The following BEST4 variants were observed in gnomAD, a reference collection of about 807,000 sequenced individuals.
The protein encoded by BEST4 is bestrophin 4.
A neutral mutation model predicts 47.1 loss-of-function variants in BEST4; 36 were observed. That is an observed-to-expected ratio of 0.76 (90% CI 0.59 to 1.01). The LOEUF (loss-of-function observed/expected upper bound fraction) is 1.01. Ranked by LOEUF, BEST4 falls within the 50% of genes least tolerant of loss-of-function variation. BEST4 has a pLI of 0.00. For synonymous variants in BEST4, 250 were observed against 277.8 expected (o/e 0.90, Z 1.00); for missense variants, 550 against 648.6 (o/e 0.85, Z 1.65).
Position 44,786,330 on chromosome 1 carries a change from C to G in BEST4, c.482-102G>C. On this transcript the variant is annotated intron_variant, in intron 3 of 8. Transcript: ENST00000372207. This position sits in a 1 kb window ranked among gnomAD's most constrained non-coding sequence, Gnocchi z 4.9. ...CCTCCCTCGCGTCCACCGGCTGTCC[C>G]AGGACTCGCGGTTCCGCGTTCCTGT... 2 of 1,479,080 alleles carry G rather than the reference C, an allele frequency of 1.4e-6. No individual in the cohort carries two copies. Among genetic ancestry groups the G allele is most frequent in the Non-Finnish European group, 9.1e-7 (1 of 1,103,412 alleles). The allele number at this position is 1,479,080 out of a possible 1,614,324, so 91.6% of individuals were successfully genotyped here.
At chr1:44,782,246 A>C (rs576731028), downstream of BEST4, among the ~76,000 whole-genome samples, 165 of 152,264 alleles carry the variant, frequency 1.1e-3, no homozygotes, top group African/African-American at 3.8e-3. Flanking sequence ...AAAAAAAAAA[A>C]AAAACCTCAA....
In BEST4 at chr1:44,787,571, C is replaced by T. The variant is rs1278999935; in HGVS notation, c.135G>A (p.Val45=). ...GCCCTTACCGGTAGGTGATGCTAAG[C>T]ACAGCGTACAAGGCCCCAAAGAGGA... ...EFLLFGALYA[V]LSITYRLLLT... The change falls in exon 1 of 9, where the codon GTG becomes GTA. Residue 45 remains valine (V), a synonymous_variant. Coordinates refer to ENST00000372207, the MANE Select transcript of BEST4 (RefSeq NM_153274.3). 1 of 1,614,186 alleles carries T rather than the reference C, an allele frequency of 6.2e-7. No individual in the cohort carries two copies. The highest frequency in any genetic ancestry group is 8.5e-7 in the Non-Finnish European group (1 of 1,180,026).
chr1:44,787,143 C>CTTTTT (rs34398169), intron 2 of BEST4, among the ~76,000 whole-genome samples: 1 of 105,038 alleles, frequency 9.5e-6, no homozygotes, highest in Non-Finnish European at 1.9e-5. Flanking sequence ...TTGAGTAATT[C>CTTTTT]TTTTTTTTTT....
Position 44,787,356 on chromosome 1 carries a change from T to G in BEST4, c.247+16A>C, listed in dbSNP as rs1651280827. On this transcript the variant is annotated intron_variant, in intron 2 of 8. Transcript: ENST00000372207. ...ACAGTAAGGGGGACACAGGGAAAAC[T>G]AGAAGGGAGCCTTACCCAATACAAA... The G allele has an allele frequency of 1.2e-6, 2 of 1,613,660 alleles. No homozygotes were observed. Among genetic ancestry groups the G allele is most frequent in the African/African-American group, 2.7e-5 (2 of 74,962 alleles).
chr1:44,786,476 G>C lies in BEST4; in HGVS notation c.468C>G (p.His156Gln). Reference protein sequence around the residue: ...RVLKRFPTMEHVVDAGFMSQE... With the variant: ...RVLKRFPTMEQVVDAGFMSQE... Reference sequence around the variant, plus strand: ...CGGGCGGCGCACCTGCGTCCACCACGTGCTCCATGGTGGGGAAGCGCTTAA... The same window carrying C: ...CGGGCGGCGCACCTGCGTCCACCACCTGCTCCATGGTGGGGAAGCGCTTAA... The change falls in exon 3 of 9, where the codon CAC becomes CAG. Residue 156 changes from histidine (H) to glutamine (Q), a missense_variant. Coordinates refer to ENST00000372207, the MANE Select transcript of BEST4 (RefSeq NM_153274.3). The surrounding 1 kb of genome is among the most constrained non-coding windows in gnomAD (Gnocchi z 4.9). The C allele has an allele frequency of 6.5e-7, 1 of 1,527,482 alleles. No homozygotes were observed. Among genetic ancestry groups the C allele is most frequent in the Non-Finnish European group, 8.8e-7 (1 of 1,135,024 alleles). The allele number at this position is 1,527,482 out of a possible 1,614,324, so 94.6% of individuals were successfully genotyped here.
At chr1:44,791,253 TC>T (rs1651406242), upstream of BEST4, among the ~76,000 whole-genome samples, 1 of 150,748 alleles carries the variant, frequency 6.6e-6, no homozygotes, top group Admixed American at 6.6e-5. Flanking sequence ...TGTGTGTGTG[TC>T]TGTGTGTGTC....
rs1192768027 is a variant in BEST4, at chr1:44,786,259, G to T, written c.482-31C>A. On this transcript the variant is annotated intron_variant, in intron 3 of 8. Transcript: ENST00000372207. The surrounding 1 kb of genome is among the most constrained non-coding windows in gnomAD (Gnocchi z 4.9). ...GGGGTAAAGCAGGTGGGGTGCAGTT[G>T]CACCCTCTGCCGCCAGGGGAGGCTG... 2 of 1,574,848 alleles carry T rather than the reference G, an allele frequency of 1.3e-6. No homozygotes were observed.
upstream of BEST4, among the ~76,000 whole-genome samples, chr1:44,792,590 T>C (rs1234453432): frequency 6.6e-6 from 1 of 152,084 alleles, no homozygotes; most frequent in Non-Finnish European, 1.5e-5. Context: ...TTATTTCAGG[T>C]TGGCTTTATC....
intron 4 of BEST4, 127 bp from the exon 5 acceptor site, chr1:44,785,803 G>C: frequency 1.0e-5 from 9 of 885,252 alleles, no homozygotes; most frequent in Non-Finnish European, 1.5e-5. Flanking sequence ...TATTAAGATG[G>C]GGTGCTTGAA....
chr1:44,787,984 G>A lies in BEST4; in HGVS notation c.-279C>T, dbSNP rs1465128841. ...CCTCAAGCTCCTCTTCAGCCTGCAG[G>A]GCTAGGGATAACCAGATCCTGAACT... On this transcript the variant is annotated 5_prime_UTR_variant, in exon 1 of 9. Coordinates refer to ENST00000372207, the MANE Select transcript of BEST4 (RefSeq NM_153274.3). Among the ~76,000 whole-genome samples the A allele has an allele frequency of 1.3e-5, 2 of 152,194 alleles. No homozygotes were observed. Among genetic ancestry groups the A allele is most frequent in the East Asian group, 3.8e-4 (2 of 5,202 alleles).
Position 44,787,407 on chromosome 1 carries a change from C to T in BEST4, c.212G>A (p.Arg71His), listed in dbSNP as rs933903611. ...GGACAAGGGAATGAGGTCTGCTGAGCGGTTGCAGTACCGGGCCACCTGAGC... is the reference window on the plus strand; with the variant it reads ...GGACAAGGGAATGAGGTCTGCTGAGTGGTTGCAGTACCGGGCCACCTGAGC... ...VYAQVARYCN[R>H]SADLIPLSFV... The change falls in exon 2 of 9, where the codon CGC becomes CAC. Residue 71 changes from arginine to histidine, a missense_variant. Physicochemically the swap from Arg to His is conservative, Grantham distance 29. Coordinates refer to ENST00000372207, the MANE Select transcript of BEST4 (RefSeq NM_153274.3). 2.5e-6 allele frequency: 4 copies of T among 1,614,064 alleles called. No homozygotes were observed. Among genetic ancestry groups the T allele is most frequent in the Middle Eastern group, 1.6e-4 (1 of 6,062 alleles).
upstream of BEST4, among the ~76,000 whole-genome samples, chr1:44,791,252 GTC>G (rs1466461370): frequency 1.3e-5 from 2 of 150,186 alleles, no homozygotes; most frequent in Non-Finnish European, 3.0e-5. Flanking sequence ...GTGTGTGTGT[GTC>G]TGTGTGTGTC....
upstream of BEST4, among the ~76,000 whole-genome samples, chr1:44,789,143 C>G (rs898790533): frequency 6.7e-6 from 1 of 149,750 alleles, no homozygotes; most frequent in South Asian, 2.1e-4. Context: ...GTAATCCCAG[C>G]AGGTACATGG....
chr1:44,785,501 G>C lies in BEST4; in HGVS notation c.714+98C>G, dbSNP rs940864755. The C allele has an allele frequency of 5.3e-6, 7 of 1,316,516 alleles. No homozygotes were observed. The Admixed American group carries it at 1.3e-4, about 24-fold the overall frequency. The allele number at this position is 1,316,516 out of a possible 1,614,324, so 81.6% of individuals were successfully genotyped here. A position where few individuals can be genotyped will look rare whatever the true frequency, so the allele number is the denominator to read the frequency against. ...GATGAACCCGGTGCCTCAGGGGACT[G>C]AAATGGCCAGGCAAGTACCATCGCT... On this transcript the variant is annotated intron_variant, in intron 5 of 8. Transcript: ENST00000372207.
chr1:44,782,291 GCTA>G (rs1651064279), downstream of BEST4, among the ~76,000 whole-genome samples: 1 of 151,802 alleles, frequency 6.6e-6, no homozygotes, highest in Non-Finnish European at 1.5e-5. Flanking sequence ...ATTGTGGGGT[GCTA>G]CTGTCTCCAC....
Position 44,785,312 on chromosome 1 carries a change from A to G in BEST4, c.715-7T>C. 1 of 1,579,158 alleles carries G rather than the reference A, an allele frequency of 6.3e-7. No homozygotes were observed. On this transcript the variant is annotated splice_region_variant and splice_polypyrimidine_tract_variant and intron_variant, in intron 5 of 8. Transcript: ENST00000372207. ...AGACGGCTATGGTCACCACCTGGAG[A>G]ATGAAGAGCCAGGCTCAGTGCAGGA...
chr1:44,789,242 CAAAA>C (rs778437528), upstream of BEST4, among the ~76,000 whole-genome samples: 1 of 61,510 alleles, frequency 1.6e-5, no homozygotes, highest in Non-Finnish European at 2.9e-5. Context: ...CCTGGGTAAT[CAAAA>C]AAAAAAAAAA....
chr1:44,784,932 T>A lies in BEST4; in HGVS notation c.966A>T (p.Thr322=). 2 of 1,614,200 alleles carry A rather than the reference T, an allele frequency of 1.2e-6. No homozygotes were observed. The highest frequency in any genetic ancestry group is 1.1e-5 in the South Asian group (1 of 91,088). ...GCAAGTTGCGGTCTATGAGCTGATT[T>A]GTCTCAAAGTCGTCATCATCCTCAC... The part of the protein sequence containing the change: ...PFGEDDDDFE[T]NQLIDRNLQV... The change falls in exon 7 of 9, where the codon ACA becomes ACT. Residue 322 remains threonine (T), a synonymous_variant. Transcript: ENST00000372207. This position sits in a 1 kb window ranked among gnomAD's most constrained non-coding sequence, Gnocchi z 6.2.
Position 44,784,046 on chromosome 1 carries a change from G to T in BEST4, c.*164C>A. On this transcript the variant is annotated 3_prime_UTR_variant, in exon 9 of 9. Transcript: ENST00000372207. The surrounding 1 kb of genome is among the most constrained non-coding windows in gnomAD (Gnocchi z 6.2). ...CAAAGTGGACACATTCCCAGCCCTG[G>T]CTCAGGCCCTTTTCGCCATCTTCTC... is the stretch of plus-strand genomic sequence containing the variant. The T allele has an allele frequency of 1.5e-6, 1 of 679,972 alleles. No individual in the cohort carries two copies. The highest frequency in any genetic ancestry group is 2.2e-6 in the Non-Finnish European group (1 of 461,294). The allele number at this position is 679,972 out of a possible 1,614,324, so 42.1% of individuals were successfully genotyped here. A position where few individuals can be genotyped will look rare whatever the true frequency, so the allele number is the denominator to read the frequency against.
Sources: gnomAD v4.1 joint callset for allele counts (sites outside exome capture counted in the v4.1 genomes callset) on GRCh38, gnomAD v4.1.1 for gene constraint, Gnocchi (gnomAD v3.1) non-coding constraint, MANE v1.5 for transcripts, NCBI Gene and HGNC (gene_info 2026-07-23, HGNC 2026-07-21) for gene names.